Variants in ATG7 observed in about 807,000 individuals in gnomAD.
The protein encoded by ATG7 is ubiquitin-like modifier-activating enzyme ATG7.
A neutral mutation model predicts 82.4 loss-of-function variants in ATG7; 70 were observed. That is an observed-to-expected ratio of 0.85 (90% confidence interval 0.70 to 1.04). The LOEUF (loss-of-function observed/expected upper bound fraction) is 1.04. Among genes scored for constraint, ATG7 ranks in the 50% least tolerant of loss-of-function variants. The pLI, the probability that ATG7 is intolerant of heterozygous loss-of-function variation, is 0.00. For missense variants in ATG7, 792 were observed against 864.3 expected (o/e 0.92, Z 1.05); for synonymous variants, 287 against 313.0 (o/e 0.92, Z 0.88).
intron 20 of ATG7, among the ~76,000 whole-genome samples, chr3:11,431,749 C>A (rs949345857): frequency 2.0e-5 from 3 of 152,218 alleles, no homozygotes; most frequent in African/African-American, 4.8e-5. Flanking sequence ...AATGCTATTA[C>A]AATTTTCCAT....
intron 20 of ATG7, among the ~76,000 whole-genome samples, chr3:11,534,986 C>T (rs2092762945): frequency 6.6e-6 from 1 of 152,262 alleles, no homozygotes; most frequent in African/African-American, 2.4e-5. Flanking sequence ...GCTCATCTTG[C>T]ACATTCTCAT....
At chr3:11,549,811 T>C (rs1314602372) in intron 20 of ATG7, among the ~76,000 whole-genome samples, 1 of 152,194 alleles carries the variant, frequency 6.6e-6, no homozygotes, top group Non-Finnish European at 1.5e-5. Context: ...TAGACCTTCC[T>C]CCAAAGTGGT....
intron 20 of ATG7, among the ~76,000 whole-genome samples, chr3:11,444,095 T>C (rs962979936): frequency 5.3e-5 from 8 of 152,212 alleles, no homozygotes; most frequent in African/African-American, 1.9e-4. Flanking sequence ...GTAGATTCTT[T>C]CGTGTCTTGT....
At chr3:11,363,812 C>G (rs1037375663) in intron 17 of ATG7, among the ~76,000 whole-genome samples, 1 of 152,198 alleles carries the variant, frequency 6.6e-6, no homozygotes, top group Non-Finnish European at 1.5e-5. Flanking sequence ...TGCAAATTAA[C>G]ATGAATATTC....
chr3:11,380,124 G>A, intron 19 of ATG7, 72 bp downstream of exon 19: 1 of 1,459,260 alleles, frequency 6.9e-7, no homozygotes, highest in Non-Finnish European at 9.6e-7. Flanking sequence ...AGCCTCACCA[G>A]CTGGAGCCCT....
At chr3:11,499,814 G>A (rs924302235) in intron 20 of ATG7, among the ~76,000 whole-genome samples, 1 of 151,784 alleles carries the variant, frequency 6.6e-6, no homozygotes, top group African/African-American at 2.4e-5. Context: ...GCAGTGCCCA[G>A]GGCACCTCCA....
the ATG7 span, among the ~76,000 whole-genome samples, chr3:11,567,627 T>C: frequency 2.0e-5 from 3 of 151,946 alleles, no homozygotes; most frequent in African/African-American, 7.3e-5. Context: ...ACAGCACAGG[T>C]TTCTGCAATG....
At chr3:11,364,803 A>G (rs2076492364) in intron 18 of ATG7, 69 bp downstream of exon 18, 7 of 1,542,408 alleles carry the variant, frequency 4.5e-6, no homozygotes, top group Non-Finnish European at 6.3e-6. Context: ...TCTCTTTGCC[A>G]TTCCATCTGC....
chr3:11,327,564 C>T (rs969685429), intron 9 of ATG7, among the ~76,000 whole-genome samples: 1 of 152,188 alleles, frequency 6.6e-6, no homozygotes, highest in Non-Finnish European at 1.5e-5. Context: ...CTCTGCTGGA[C>T]CATACTTTGA....
chr3:11,325,016 G>A (rs553591460), intron 9 of ATG7, among the ~76,000 whole-genome samples: 1 of 152,242 alleles, frequency 6.6e-6, no homozygotes, highest in East Asian at 1.9e-4. Flanking sequence ...GTTTAGATTT[G>A]TTCAGATACA....
At chr3:11,493,168 T>C (rs1281336953) in intron 20 of ATG7, among the ~76,000 whole-genome samples, 3 of 152,120 alleles carry the variant, frequency 2.0e-5, no homozygotes, top group African/African-American at 7.2e-5. Context: ...CAGCTCTCAG[T>C]GGAGAGGGGA....
rs763168496 is a variant in ATG7, at chr3:11,310,765, C to T, written c.411+1704C>T. Among the ~76,000 whole-genome samples, 9 of 151,720 alleles carry T rather than the reference C, an allele frequency of 5.9e-5. No individual in the cohort carries two copies. The East Asian group carries it at 7.7e-4, about 13-fold the overall frequency. ...CTCCTGCCTCAGCCTCCTGAGTAGC[C>T]GGGACTACAGGCACCCACCACCACA... On this transcript the variant is annotated intron_variant, in intron 7 of 20. Transcript: ENST00000693202.
intron 11 of ATG7, among the ~76,000 whole-genome samples, chr3:11,337,644 T>C (rs111638761): frequency 0.038 from 5,770 of 152,018 alleles, 119 homozygotes; most frequent in African/African-American, 0.05. Context: ...CTATAGCCTT[T>C]ATTATTATTA....
At chr3:11,465,289 T>G (rs377146155) in intron 20 of ATG7, among the ~76,000 whole-genome samples, 1 of 151,484 alleles carries the variant, frequency 6.6e-6, no homozygotes, top group African/African-American at 2.4e-5. Context: ...TACTAAAAAT[T>G]CAAAAATTAG....
chr3:11,323,479 G>T (rs1297089591), intron 9 of ATG7, among the ~76,000 whole-genome samples: 2 of 152,150 alleles, frequency 1.3e-5, no homozygotes, highest in African/African-American at 4.8e-5. Context: ...AATGAAATGT[G>T]GATTCCACAG....
At chr3:11,342,421 T>C in intron 13 of ATG7, 142 bp downstream of exon 13, 1 of 1,160,542 alleles carries the variant, frequency 8.6e-7, no homozygotes, top group Non-Finnish European at 1.2e-6. Context: ...TCTTATCTTT[T>C]TAAGTGTAAA....
chr3:11,413,282 G>A (rs2081077933), intron 19 of ATG7, among the ~76,000 whole-genome samples: 2 of 152,112 alleles, frequency 1.3e-5, no homozygotes, highest in South Asian at 4.1e-4. Flanking sequence ...TCATCACTGT[G>A]TATATTTGCT....
chr3:11,510,985 C>T (rs947408479), intron 20 of ATG7, among the ~76,000 whole-genome samples: 1 of 152,040 alleles, frequency 6.6e-6, no homozygotes, highest in Non-Finnish European at 1.5e-5. Context: ...TCTGTCCCTT[C>T]TGATGTTCAG....
intron 20 of ATG7, among the ~76,000 whole-genome samples, chr3:11,552,818 C>A (rs1244054654): frequency 6.6e-6 from 1 of 152,172 alleles, no homozygotes; most frequent in Non-Finnish European, 1.5e-5. Flanking sequence ...CTTCCAGGGC[C>A]AGTCCCAGGC....
Sources: gnomAD v4.1 joint callset for allele counts (sites outside exome capture counted in the v4.1 genomes callset) on GRCh38, gnomAD v4.1.1 for gene constraint, MANE v1.5 for transcripts, NCBI Gene and HGNC (gene_info 2026-07-23, HGNC 2026-07-21) for gene names.